Variants in PCDHGA1 observed in about 807,000 individuals in gnomAD.
The protein encoded by PCDHGA1 is protocadherin gamma-A1.
In PCDHGA1, 32 loss-of-function variants were observed where a neutral mutation model predicts 58.0. That is an observed-to-expected ratio of 0.55 (90% CI 0.42 to 0.74). The LOEUF (loss-of-function observed/expected upper bound fraction) is 0.74. Ranked by LOEUF, PCDHGA1 falls within the 30% of genes least tolerant of loss-of-function variation. The probability of loss-of-function intolerance (pLI) is 0.00; values close to 1 mark genes in which losing one functional copy is unlikely to be tolerated. For missense variants in PCDHGA1, 1,205 were observed against 1,182.3 expected, an observed-to-expected ratio of 1.02 and a Z score of -0.28; for synonymous variants, 498 against 501.1, an observed-to-expected ratio of 0.99 and a Z score of 0.08.
At chr5:141,470,015 G>C (rs999085849) in intron 1 of PCDHGA1, among the ~76,000 whole-genome samples, 1 of 152,130 alleles carries the variant, frequency 6.6e-6, no homozygotes, top group Non-Finnish European at 1.5e-5. Context: ...TGTAATCCCA[G>C]CTACTCGGGA....
chr5:141,387,742 C>T, intron 1 of PCDHGA1: 5 of 1,340,938 alleles, frequency 3.7e-6, no homozygotes, highest in Non-Finnish European at 5.0e-6. Context: ...CTTTACACCG[C>T]TTCCTCCTCG....
Position 141,438,239 on chromosome 5 carries a change from A to C in PCDHGA1, c.2422-56568A>C, listed in dbSNP as rs550172792. Among the ~76,000 whole-genome samples, 9 of 152,298 alleles carry C rather than the reference A, an allele frequency of 5.9e-5. No homozygotes were observed. In the East Asian group the frequency reaches 1.7e-3, roughly 29 times the overall value. On this transcript the variant is annotated intron_variant, in intron 1 of 3. Transcript: ENST00000517417. ...GCTCTGGTTCAGGAAAATGTTTTTA[A>C]AAAACTGTCATTGAAGAGACCATAG...
chr5:141,336,952 T>C (rs545612132), intron 1 of PCDHGA1, among the ~76,000 whole-genome samples: 1 of 152,268 alleles, frequency 6.6e-6, no homozygotes, highest in Non-Finnish European at 1.5e-5. Flanking sequence ...AACAATTGGA[T>C]GTTAAAATGA....
intron 1 of PCDHGA1, among the ~76,000 whole-genome samples, chr5:141,367,949 A>G (rs144686232): frequency 4.9e-4 from 75 of 152,326 alleles, no homozygotes; most frequent in African/African-American, 1.7e-3. Context: ...AAAATTTTAA[A>G]TTTCATATCT....
At chr5:141,416,011 G>A (rs2095982763) in intron 1 of PCDHGA1, 2 of 239,912 alleles carry the variant, frequency 8.3e-6, no homozygotes, top group Non-Finnish European at 7.8e-6. Flanking sequence ...GGTAAGAATA[G>A]GTAAGTATCA....
intron 2 of PCDHGA1, among the ~76,000 whole-genome samples, chr5:141,501,136 G>A (rs909142955): frequency 6.6e-6 from 1 of 152,090 alleles, no homozygotes; most frequent in Non-Finnish European, 1.5e-5. Context: ...CTAAGTGCTG[G>A]GATTACAGGT....
rs747495549 is a variant in PCDHGA1, at chr5:141,331,048, G to A, written c.364G>A (p.Glu122Lys). The A allele has an allele frequency of 3.7e-5, 60 of 1,604,778 alleles. No homozygotes were observed. Among genetic ancestry groups the A allele is most frequent in the Non-Finnish European group, 4.9e-5 (58 of 1,174,702 alleles). ...DKMKLFPVEV[E>K]IIDINDNTPQ... is the part of the protein sequence containing the mutation. Reference sequence around the variant, plus strand: ...AATGAAGCTTTTTCCTGTTGAAGTAGAAATAATTGATATTAATGACAACAC... The same window carrying A: ...AATGAAGCTTTTTCCTGTTGAAGTAAAAATAATTGATATTAATGACAACAC... The change falls in exon 1 of 4, where the codon GAA becomes AAA. Residue 122 changes from glutamate (E) to lysine (K), a missense_variant. By Grantham distance (56) the Glu-to-Lys change is moderately conservative. Transcript: ENST00000517417.
intron 1 of PCDHGA1, chr5:141,383,413 C>T (rs1160072155): frequency 6.2e-7 from 1 of 1,614,020 alleles, no homozygotes. Context: ...GAGTTACCAG[C>T]TCAGCCCCAA....
intron 1 of PCDHGA1, chr5:141,356,408 G>T (rs375778889): frequency 6.3e-7 from 1 of 1,595,544 alleles, no homozygotes; most frequent in South Asian, 1.1e-5. Context: ...AATTATTATC[G>T]GTTGTTGACA....
chr5:141,344,569 C>G, intron 1 of PCDHGA1: 3 of 1,614,034 alleles, frequency 1.9e-6, no homozygotes, highest in Non-Finnish European at 2.5e-6. Context: ...GACTACTTCT[C>G]TCTGGCTGTG....
Position 141,351,079 on chromosome 5 carries a change from G to A in PCDHGA1, c.2421+17974G>A, listed in dbSNP as rs372442454. The A allele has an allele frequency of 1.4e-5, 22 of 1,613,910 alleles. No individual in the cohort carries two copies. The Middle Eastern group carries it at 8.2e-4, about 60-fold the overall frequency. On this transcript the variant is annotated intron_variant, in intron 1 of 3. Coordinates refer to ENST00000517417, the MANE Select transcript of PCDHGA1 (RefSeq NM_018912.3). ...ACCAGGATGAGGGCATTAATGCAGA[G>A]ATCACCTATGCCTTCCTCAATTCCC...
At position 141,477,284 on chromosome 5, in the gene PCDHGA1, G is replaced by A. The variant is rs751714522; in HGVS notation, c.2422-17523G>A. 5.0e-6 allele frequency: 8 copies of A among 1,614,150 alleles called. No homozygotes were observed. The South Asian group carries it at 6.6e-5, about 13-fold the overall frequency. ...TGGCGAGAACGGGCTGGTGACCTGC[G>A]AAGTTCCACCGGGTCTCCCTTTCAG... On this transcript the variant is annotated intron_variant, in intron 1 of 3. Transcript: ENST00000517417. This position sits in a 1 kb window ranked among gnomAD's most constrained non-coding sequence, Gnocchi z 4.9.
chr5:141,362,229 G>T, intron 1 of PCDHGA1: 2 of 1,614,030 alleles, frequency 1.2e-6, no homozygotes, highest in Non-Finnish European at 1.7e-6. Context: ...CCTTGGCCTT[G>T]ATCTCAGTGC....
intron 1 of PCDHGA1, among the ~76,000 whole-genome samples, chr5:141,469,189 T>C (rs1393685141): frequency 2.6e-5 from 4 of 151,710 alleles, no homozygotes; most frequent in African/African-American, 9.7e-5. Flanking sequence ...GGCAAGAGGA[T>C]TGCTTGAGCC....
At chr5:141,427,327 C>T (rs2097016376) in intron 1 of PCDHGA1, 1 of 457,028 alleles carries the variant, frequency 2.2e-6, no homozygotes, top group African/African-American at 2.0e-5. Flanking sequence ...GTGGTTTTTA[C>T]TTCAGTGTCC....
intron 1 of PCDHGA1, chr5:141,364,578 G>A (rs1168883805): frequency 1.2e-6 from 2 of 1,614,212 alleles, no homozygotes. Flanking sequence ...CGAAGCGGCA[G>A]CTTGGTCACC....
intron 1 of PCDHGA1, chr5:141,338,775 C>T: frequency 7.8e-7 from 1 of 1,290,160 alleles, no homozygotes; most frequent in Non-Finnish European, 9.8e-7. Flanking sequence ...AGCAATACGG[C>T]TCCCACAGCA....
At chr5:141,374,700 C>T in intron 1 of PCDHGA1, 1 of 1,608,752 alleles carries the variant, frequency 6.2e-7, no homozygotes, top group Non-Finnish European at 8.5e-7. Context: ...GAAGGAGAAG[C>T]CGTTTACCGC....
intron 1 of PCDHGA1, chr5:141,359,990 C>T: frequency 3.0e-6 from 3 of 999,456 alleles, no homozygotes; most frequent in Non-Finnish European, 4.1e-6. Context: ...TAGAGGGGAA[C>T]TTCCTGCACA....
Sources: allele counts gnomAD v4.1 joint callset (sites outside exome capture counted in the v4.1 genomes callset), GRCh38; gene constraint gnomAD v4.1.1; non-coding constraint Gnocchi (gnomAD v3.1); transcripts MANE v1.5; gene names NCBI Gene and HGNC (gene_info 2026-07-23, HGNC 2026-07-21).